The following DSCAM variants were observed in gnomAD, a reference collection of about 807,000 sequenced individuals.
DSCAM encodes the protein cell adhesion molecule DSCAM.
DSCAM carries 47 observed loss-of-function variants against 217.7 expected under a neutral mutation model. That is an observed-to-expected ratio of 0.22 (90% CI 0.17 to 0.28). The LOEUF is 0.28. Among genes scored for constraint, DSCAM ranks in the 10% least tolerant of loss-of-function variants. The pLI is 1.00. For synonymous variants in DSCAM, 1,056 were observed against 1,015.3 expected, an observed-to-expected ratio of 1.04 and a Z score of -0.76; for missense variants, 2,080 against 2,618.3, an observed-to-expected ratio of 0.79 and a Z score of 4.49.
chr21:40,465,624 T>A (rs932555221), intron 3 of DSCAM, among the ~76,000 whole-genome samples: 6 of 152,220 alleles, frequency 3.9e-5, no homozygotes, highest in Non-Finnish European at 5.9e-5. Context: ...AACACTAATG[T>A]GTAAACTTTC....
intron 11 of DSCAM, among the ~76,000 whole-genome samples, chr21:40,217,246 C>T (rs1269101737): frequency 1.3e-5 from 2 of 152,020 alleles, no homozygotes; most frequent in East Asian, 3.9e-4. Flanking sequence ...TTGAAAAATG[C>T]AGAAAAGTAT....
At chr21:40,124,444 T>A in intron 19 of DSCAM, 116 bp from the exon 20 acceptor site, 1 of 1,353,214 alleles carries the variant, frequency 7.4e-7, no homozygotes, top group Middle Eastern at 2.6e-4. Flanking sequence ...GGATGAGCGT[T>A]ATGGGTTCCG....
intron 3 of DSCAM, among the ~76,000 whole-genome samples, chr21:40,652,258 C>T (rs2090022598): frequency 6.6e-6 from 1 of 151,714 alleles, no homozygotes; most frequent in African/African-American, 2.4e-5. Flanking sequence ...ACCGTGGTAC[C>T]TGTTTACCTA....
intron 9 of DSCAM, among the ~76,000 whole-genome samples, chr21:40,307,364 A>C (rs1318022218): frequency 6.6e-6 from 1 of 152,224 alleles, no homozygotes; most frequent in Non-Finnish European, 1.5e-5. Flanking sequence ...AGAGAAATGC[A>C]AATCAAAACC....
At chr21:40,829,633 A>G (rs1411183018) in intron 1 of DSCAM, among the ~76,000 whole-genome samples, 1 of 152,208 alleles carries the variant, frequency 6.6e-6, no homozygotes, top group Non-Finnish European at 1.5e-5. Context: ...GTCAAGAGAT[A>G]GATCCGTGAT....
chr21:40,154,300 T>C (rs1399580237), intron 16 of DSCAM, among the ~76,000 whole-genome samples: 1 of 151,910 alleles, frequency 6.6e-6, no homozygotes, highest in African/African-American at 2.4e-5. Context: ...TCACCCATGC[T>C]GGAGTGCAGT....
chr21:40,093,794 G>A lies in DSCAM; in HGVS notation c.3777C>T (p.Val1259=), dbSNP rs780806945. 7 of 1,614,056 alleles carry A rather than the reference G, an allele frequency of 4.3e-6. No individual in the cohort carries two copies. Among genetic ancestry groups the A allele is most frequent in the Non-Finnish European group, 5.9e-6 (7 of 1,180,004 alleles). The change falls in exon 21 of 33, where the codon GTC becomes GTT. Residue 1259 remains valine (V), a synonymous_variant. Transcript: ENST00000400454. The stretch of plus-strand genomic sequence containing the variant: ...CGGCTGAAGTAACAGCCACCACCCA[G>A]ACGCTGTACTGACGATTCCTACTCA... The part of the protein sequence containing the change: ...PNLSRNRQYS[V]WVVAVTSAGR...
chr21:40,645,267 CA>C (rs1357604544), intron 3 of DSCAM, among the ~76,000 whole-genome samples: 2 of 152,230 alleles, frequency 1.3e-5, no homozygotes, highest in Non-Finnish European at 2.9e-5. Flanking sequence ...CTGTTTCTTA[CA>C]GTTTTGATGA....
At chr21:40,482,142 T>G (rs2075988672) in intron 3 of DSCAM, among the ~76,000 whole-genome samples, 1 of 152,242 alleles carries the variant, frequency 6.6e-6, no homozygotes, top group South Asian at 2.1e-4. Context: ...TCACCTTTTT[T>G]GTGGCCATCC....
At chr21:40,287,389 A>T (rs529806677) in intron 10 of DSCAM, among the ~76,000 whole-genome samples, 43 of 152,198 alleles carry the variant, frequency 2.8e-4, no homozygotes, top group African/African-American at 9.9e-4. Context: ...CATATTTCTC[A>T]TGGTCTTCTG....
intron 10 of DSCAM, among the ~76,000 whole-genome samples, chr21:40,282,590 C>CAAAAAAAAAA (rs528248714): frequency 1.8e-4 from 6 of 32,946 alleles, no homozygotes; most frequent in African/African-American, 3.4e-4. Context: ...GACTCTGTCT[C>CAAAAAAAAAA]AAAAAAAAAA....
intron 3 of DSCAM, among the ~76,000 whole-genome samples, chr21:40,571,950 T>A (rs2076809722): frequency 6.6e-6 from 1 of 152,186 alleles, no homozygotes; most frequent in South Asian, 2.1e-4. Flanking sequence ...ATTGGAGAAT[T>A]GCACATTTCA....
intron 3 of DSCAM, among the ~76,000 whole-genome samples, chr21:40,418,466 T>C (rs2075392767): frequency 6.6e-6 from 1 of 152,214 alleles, no homozygotes; most frequent in Non-Finnish European, 1.5e-5. Context: ...GAGAATTTTG[T>C]AATATTCCAA....
chr21:40,162,470 T>C (rs147303656), intron 16 of DSCAM, among the ~76,000 whole-genome samples: 15 of 152,182 alleles, frequency 9.9e-5, no homozygotes, highest in Non-Finnish European at 2.1e-4. Context: ...TGCAGTTTAT[T>C]AAACGATGAC....
chr21:40,135,820 G>A (rs1207338657), intron 18 of DSCAM, among the ~76,000 whole-genome samples: 4 of 152,220 alleles, frequency 2.6e-5, no homozygotes, highest in African/African-American at 9.7e-5. Flanking sequence ...AAAGATCAAT[G>A]TGGAACGGAT....
intron 3 of DSCAM, among the ~76,000 whole-genome samples, chr21:40,603,942 TTTTC>T (rs74517472): frequency 1.3e-5 from 2 of 150,574 alleles, no homozygotes; most frequent in Non-Finnish European, 3.0e-5. Flanking sequence ...TTTTTTTTTT[TTTTC>T]TGAGCCTCTT....
At chr21:40,504,809 G>C (rs2076197482) in intron 3 of DSCAM, among the ~76,000 whole-genome samples, 1 of 152,066 alleles carries the variant, frequency 6.6e-6, no homozygotes, top group African/African-American at 2.4e-5. Flanking sequence ...ACTATTTGCA[G>C]TTTTAAGACT....
intron 1 of DSCAM, among the ~76,000 whole-genome samples, chr21:40,770,575 G>T (rs573247149): frequency 6.6e-6 from 1 of 152,292 alleles, no homozygotes; most frequent in East Asian, 1.9e-4. Flanking sequence ...AGCCCTTACC[G>T]TCTTTCAGAA....
chr21:40,431,421 A>G (rs1569120078), intron 3 of DSCAM, among the ~76,000 whole-genome samples: 1 of 148,944 alleles, frequency 6.7e-6, no homozygotes, highest in Non-Finnish European at 1.5e-5. Flanking sequence ...CACCTAATGA[A>G]CTACTCAATG....
Sources: gnomAD v4.1 joint callset for allele counts (sites outside exome capture counted in the v4.1 genomes callset) on GRCh38, gnomAD v4.1.1 for gene constraint, MANE v1.5 for transcripts, NCBI Gene and HGNC (gene_info 2026-07-23, HGNC 2026-07-21) for gene names.